OR2L13: variants seen among roughly 807,000 people sequenced by gnomAD.
OR2L13 encodes the protein olfactory receptor 2L13.
In OR2L13, 14 loss-of-function variants were observed where a neutral mutation model predicts 15.3. The observed-to-expected ratio is 0.91, with a 90% CI of 0.60 to 1.43. OR2L13 has a LOEUF of 1.43. Among genes scored for constraint, OR2L13 ranks in the 40% most tolerant of loss-of-function variants. OR2L13 has a pLI of 0.00. For missense variants in OR2L13, 367 were observed against 387.9 expected, an observed-to-expected ratio of 0.95 and a Z score of 0.45; for synonymous variants, 152 against 142.9, an observed-to-expected ratio of 1.06 and a Z score of -0.45.
chr1:248,043,193 A>C, the OR2L13 span, among the ~76,000 whole-genome samples: 2 of 152,176 alleles, frequency 1.3e-5, no homozygotes, highest in Non-Finnish European at 2.9e-5. Context: ...TCTGGGATCC[A>C]AAAATCTAAT....
the OR2L13 span, among the ~76,000 whole-genome samples, chr1:247,941,808 C>T: frequency 6.6e-6 from 1 of 152,108 alleles, no homozygotes; most frequent in African/African-American, 2.4e-5. Context: ...CAATGTGTGG[C>T]AGGGATACAG....
At chr1:247,997,666 T>G in the OR2L13 span, among the ~76,000 whole-genome samples, 2 of 152,158 alleles carry the variant, frequency 1.3e-5, no homozygotes, top group Admixed American at 1.3e-4. Context: ...CAAAAAAAAC[T>G]GAAATAATGT....
At chr1:248,072,500 GT>G in the OR2L13 span, among the ~76,000 whole-genome samples, 2 of 151,970 alleles carry the variant, frequency 1.3e-5, no homozygotes, top group African/African-American at 4.8e-5. Flanking sequence ...AGACTTAAAC[GT>G]TAGACCTAAA....
At chr1:248,038,808 C>T in the OR2L13 span, 11 of 1,614,010 alleles carry the variant, frequency 6.8e-6, no homozygotes, top group Non-Finnish European at 9.3e-6. Context: ...CTGTGATGTT[C>T]CAGCTATGTT....
upstream of OR2L13, among the ~76,000 whole-genome samples, chr1:248,095,919 T>C (rs1413303967): frequency 6.6e-6 from 1 of 151,892 alleles, no homozygotes. Flanking sequence ...AACTGCTTTT[T>C]ATACCACTAT....
chr1:248,005,845 A>T, the OR2L13 span, among the ~76,000 whole-genome samples: 1 of 152,188 alleles, frequency 6.6e-6, no homozygotes, highest in Non-Finnish European at 1.5e-5. Context: ...TTGTTTTACA[A>T]TGTCGTAGCA....
At chr1:248,048,963 T>G in the OR2L13 span, among the ~76,000 whole-genome samples, 1 of 149,712 alleles carries the variant, frequency 6.7e-6, no homozygotes, top group East Asian at 2.0e-4. Flanking sequence ...TTTCTGCACC[T>G]ATGCAAATGA....
chr1:248,049,693 A>G, the OR2L13 span, among the ~76,000 whole-genome samples: 1 of 152,128 alleles, frequency 6.6e-6, no homozygotes, highest in Non-Finnish European at 1.5e-5. Context: ...CATTTCTTAT[A>G]CTTTCTCAAT....
At chr1:247,956,261 C>T in the OR2L13 span, among the ~76,000 whole-genome samples, 65 of 152,138 alleles carry the variant, frequency 4.3e-4, no homozygotes, top group African/African-American at 1.5e-3. Flanking sequence ...TGTAGATATG[C>T]GGCATTATTT....
At chr1:248,061,548 T>A in the OR2L13 span, 73 of 1,613,524 alleles carry the variant, frequency 4.5e-5, no homozygotes, top group East Asian at 3.3e-4. Flanking sequence ...CCATCATCTA[T>A]AGCCTGAGGA....
At chr1:248,099,055 TTA>T (rs1664791448) in intron 2 of OR2L13, among the ~76,000 whole-genome samples, 1 of 152,216 alleles carries the variant, frequency 6.6e-6, no homozygotes, top group South Asian at 2.1e-4. Flanking sequence ...GAAGACATGC[TTA>T]AGCCATAAAT....
the OR2L13 span, chr1:248,062,413 G>T: frequency 6.6e-6 from 1 of 151,532 alleles, no homozygotes; most frequent in South Asian, 2.1e-4. Flanking sequence ...TTATATTGAA[G>T]ACACTGTCTT....
the OR2L13 span, among the ~76,000 whole-genome samples, chr1:248,001,786 G>A: frequency 1.3e-5 from 2 of 151,908 alleles, no homozygotes; most frequent in East Asian, 3.9e-4. Context: ...TGATACATTG[G>A]CAGTCCTAAA....
chr1:247,994,320 C>G, the OR2L13 span, among the ~76,000 whole-genome samples: 57 of 152,186 alleles, frequency 3.7e-4, no homozygotes, highest in East Asian at 1.9e-3. Flanking sequence ...TGGCGTGAAC[C>G]CGGGAGGCGG....
At chr1:247,981,901 C>T in the OR2L13 span, among the ~76,000 whole-genome samples, 8 of 151,890 alleles carry the variant, frequency 5.3e-5, no homozygotes, top group South Asian at 6.2e-4. Context: ...CAGCAAGCTC[C>T]GCCTCCCGGG....
chr1:247,994,300 G>A, the OR2L13 span, among the ~76,000 whole-genome samples: 1 of 152,166 alleles, frequency 6.6e-6, no homozygotes, highest in Non-Finnish European at 1.5e-5. Flanking sequence ...GAGAGGCTGA[G>A]GCAGGAGAAT....
the OR2L13 span, among the ~76,000 whole-genome samples, chr1:247,955,697 C>A: frequency 1.4e-4 from 7 of 48,662 alleles, no homozygotes; most frequent in African/African-American, 8.9e-5. Context: ...CTCTGATGGC[C>A]AGTGATGATG....
At chr1:248,076,207 A>T in the OR2L13 span, among the ~76,000 whole-genome samples, 8 of 151,940 alleles carry the variant, frequency 5.3e-5, no homozygotes, top group African/African-American at 1.9e-4. Flanking sequence ...TTGGTCTATA[A>T]TTCTGTTTTG....
At chr1:248,005,460 TAGTTTGA>T in the OR2L13 span, among the ~76,000 whole-genome samples, 1 of 152,212 alleles carries the variant, frequency 6.6e-6, no homozygotes, top group African/African-American at 2.4e-5. Flanking sequence ...GTTTGTAGTA[TAGTTTGA>T]AGTTTGGTAC....
Sources: allele counts gnomAD v4.1 joint callset (sites outside exome capture counted in the v4.1 genomes callset), GRCh38; gene constraint gnomAD v4.1.1; transcripts MANE v1.5; gene names NCBI Gene and HGNC (gene_info 2026-07-23, HGNC 2026-07-21).